The following CHD7 variants were observed in gnomAD, a reference collection of about 807,000 sequenced individuals.
CHD7 encodes the protein chromodomain helicase DNA binding protein 7.
CHD7 carries 24 observed loss-of-function variants against 307.3 expected under a neutral mutation model. That is an observed-to-expected ratio of 0.08 (90% CI 0.06 to 0.11). The LOEUF (loss-of-function observed/expected upper bound fraction) is 0.11. Among genes scored for constraint, CHD7 ranks in the 10% least tolerant of loss-of-function variants. The probability of loss-of-function intolerance (pLI) is 1.00; values close to 1 mark genes in which losing one functional copy is unlikely to be tolerated. For missense variants in CHD7, 3,106 were observed against 3,727.1 expected, an observed-to-expected ratio of 0.83 and a Z score of 4.34; for synonymous variants, 1,363 against 1,349.9, an observed-to-expected ratio of 1.01 and a Z score of -0.21.
chr8:60,826,971 C>G (rs1804279539), intron 13 of CHD7, among the ~76,000 whole-genome samples: 2 of 152,156 alleles, frequency 1.3e-5, no homozygotes, highest in African/African-American at 2.4e-5. Flanking sequence ...AGTTTCTTAC[C>G]TGATGTTTTG....
chr8:60,775,616 A>G (rs1432910281), intron 2 of CHD7, among the ~76,000 whole-genome samples: 1 of 152,194 alleles, frequency 6.6e-6, no homozygotes, highest in Non-Finnish European at 1.5e-5. Context: ...AGGACATTTT[A>G]ATTCAAGATC....
At chr8:60,821,462 G>A (rs754099576) in intron 9 of CHD7, among the ~76,000 whole-genome samples, 21 of 151,800 alleles carry the variant, frequency 1.4e-4, no homozygotes, top group Non-Finnish European at 2.6e-4. Flanking sequence ...ACTTACTCAT[G>A]CTGGGATAAT....
rs530397172 is a variant in CHD7 at position 60,722,550 on chromosome 8, A to G, written c.-174-18709A>G. Among the ~76,000 whole-genome samples, 21 of 152,356 alleles carry G rather than the reference A, an allele frequency of 1.4e-4. No homozygotes were observed. In the South Asian group the frequency reaches 3.9e-3, roughly 29 times the overall value. On this transcript the variant is annotated intron_variant, in intron 1 of 37. Coordinates refer to ENST00000423902, the MANE Select transcript of CHD7 (RefSeq NM_017780.4). The stretch of plus-strand genomic sequence containing the variant: ...TGGTTTATGTTGGTTAGATCTATGG[A>G]TAATTACTACATTTGAAATTAAATC...
At chr8:60,789,697 G>T (rs779347999) in intron 3 of CHD7, among the ~76,000 whole-genome samples, 1 of 152,186 alleles carries the variant, frequency 6.6e-6, no homozygotes, top group African/African-American at 2.4e-5. Flanking sequence ...AATTATGGCC[G>T]TTTGTATCAA....
chr8:60,842,090 T>C (rs766435392), intron 21 of CHD7, 38 bp downstream of exon 21: 2 of 1,525,396 alleles, frequency 1.3e-6, no homozygotes, highest in East Asian at 4.5e-5. Context: ...AATTTTATTG[T>C]AACAGTAGTT....
At chr8:60,752,873 G>T (rs2150600307) in intron 2 of CHD7, among the ~76,000 whole-genome samples, 1 of 152,336 alleles carries the variant, frequency 6.6e-6, no homozygotes, top group South Asian at 2.1e-4. Flanking sequence ...CTAACTTGGA[G>T]AATTTACCTT....
Position 60,743,010 on chromosome 8 carries a change from G to A in CHD7, c.1578G>A (p.Gln526=). The stretch of plus-strand genomic sequence containing the variant: ...AGCCTCACCCGGGCTTGCACCACCA[G>A]TCTTCACCTCCACACCCTCATCACC... ...PLQPHPGLHH[Q]SSPPHPHHQP... is the part of the protein sequence containing the mutation. The change falls in exon 2 of 38, where the codon CAG becomes CAA. Residue 526 remains glutamine (Q), a synonymous_variant. Transcript: ENST00000423902. 1 of 1,613,818 alleles carries A rather than the reference G, an allele frequency of 6.2e-7. No individual in the cohort carries two copies. The highest frequency in any genetic ancestry group is 1.1e-5 in the South Asian group (1 of 91,054).
intron 13 of CHD7, chr8:60,825,529 A>G (rs1586396440): frequency 6.6e-6 from 1 of 152,236 alleles, no homozygotes; most frequent in African/African-American, 2.4e-5. Flanking sequence ...CTGTGTTTGT[A>G]TTTGTTCACT....
intron 7 of CHD7, among the ~76,000 whole-genome samples, chr8:60,814,228 C>G (rs1489572110): frequency 6.6e-6 from 1 of 152,194 alleles, no homozygotes; most frequent in African/African-American, 2.4e-5. Context: ...AAAGCAGAGT[C>G]ACACTGAAAA....
At chr8:60,696,221 G>A (rs546387098) in intron 1 of CHD7, among the ~76,000 whole-genome samples, 2 of 152,158 alleles carry the variant, frequency 1.3e-5, no homozygotes, top group East Asian at 1.9e-4. Flanking sequence ...ATGACCAGGT[G>A]TCTACAACAA....
chr8:60,778,019 AGT>A (rs369656526), intron 2 of CHD7, among the ~76,000 whole-genome samples: 313 of 145,308 alleles, frequency 2.2e-3, no homozygotes, highest in Non-Finnish European at 3.6e-3. Context: ...CCTGTCAGGC[AGT>A]GGGAATTGAT....
chr8:60,716,337 C>CT (rs1807599193), intron 1 of CHD7, among the ~76,000 whole-genome samples: 2 of 152,248 alleles, frequency 1.3e-5, no homozygotes, highest in Non-Finnish European at 2.9e-5. Flanking sequence ...GATTCATCCT[C>CT]TTGAGGCAAA....
intron 6 of CHD7, 23 bp from the exon 7 acceptor site, chr8:60,808,194 C>G (rs780390527): frequency 3.3e-6 from 5 of 1,533,936 alleles, no homozygotes; most frequent in Middle Eastern, 1.7e-4. Flanking sequence ...TAAATACATG[C>G]CTGAAATTTT....
At position 60,699,791 on chromosome 8, in the gene CHD7, A is replaced by G. The variant is rs150955266; in HGVS notation, c.-175+20709A>G. Among the ~76,000 whole-genome samples the G allele has an allele frequency of 1.4e-3, 210 of 151,420 alleles. 1 individual carries two copies. Among genetic ancestry groups the G allele is most frequent in the Non-Finnish European group, 2.7e-3 (186 of 67,850 alleles). On this transcript the variant is annotated intron_variant, in intron 1 of 37. Coordinates refer to ENST00000423902, the MANE Select transcript of CHD7 (RefSeq NM_017780.4). Reference sequence around the variant, plus strand: ...TCACCTGCATAACAGGTTAGATGGCATTGTTTTTTCTTGTTTATTGTTTGA... The same window carrying G: ...TCACCTGCATAACAGGTTAGATGGCGTTGTTTTTTCTTGTTTATTGTTTGA...
chr8:60,751,697 T>G (rs1809649808), intron 2 of CHD7, among the ~76,000 whole-genome samples: 1 of 152,196 alleles, frequency 6.6e-6, no homozygotes, highest in East Asian at 1.9e-4. Flanking sequence ...GGAGTGAGGT[T>G]TTATTTTGTT....
intron 1 of CHD7, among the ~76,000 whole-genome samples, chr8:60,698,001 A>C (rs935616374): frequency 1.4e-4 from 22 of 152,236 alleles, no homozygotes; most frequent in Non-Finnish European, 1.9e-4. Flanking sequence ...TGCTGTCAAC[A>C]CACTGGGTAC....
chr8:60,852,322 C>T (rs1222926622), intron 29 of CHD7, 75 bp downstream of exon 29: 2 of 1,405,794 alleles, frequency 1.4e-6, no homozygotes, highest in Non-Finnish European at 2.0e-6. Context: ...CCACAAGAGA[C>T]AGGACTCATA....
chr8:60,859,466 T>G (rs1185820963), intron 34 of CHD7, among the ~76,000 whole-genome samples: 1 of 152,192 alleles, frequency 6.6e-6, no homozygotes, highest in Non-Finnish European at 1.5e-5. Flanking sequence ...ATGCAGTGTT[T>G]AGGATGGGGT....
intron 2 of CHD7, among the ~76,000 whole-genome samples, chr8:60,747,752 G>A (rs62524954): frequency 0.018 from 2,780 of 152,328 alleles, 54 homozygotes; most frequent in South Asian, 0.058. Context: ...ACAGGCTTTG[G>A]AGTCTGAGTT....
Sources: gnomAD v4.1 joint callset for allele counts (sites outside exome capture counted in the v4.1 genomes callset) on GRCh38, gnomAD v4.1.1 for gene constraint, MANE v1.5 for transcripts, NCBI Gene and HGNC (gene_info 2026-07-23, HGNC 2026-07-21) for gene names.